Variants in GPATCH2L observed in about 807,000 individuals in gnomAD.
The protein encoded by GPATCH2L is G-patch domain containing 2 like.
A neutral mutation model predicts 57.4 loss-of-function variants in GPATCH2L; 31 were observed. That is an observed-to-expected ratio of 0.54 (90% CI 0.41 to 0.73). The LOEUF (loss-of-function observed/expected upper bound fraction) is 0.73. GPATCH2L is among the 30% of genes least tolerant of loss of function. The probability of loss-of-function intolerance (pLI) is 0.00; values close to 1 mark genes in which losing one functional copy is unlikely to be tolerated. For synonymous variants in GPATCH2L, 199 were observed against 210.7 expected (o/e 0.94, Z 0.48); for missense variants, 481 against 599.9 (o/e 0.80, Z 2.07).
chr14:76,227,137 G>C (rs1405733065), intron 1 of GPATCH2L, among the ~76,000 whole-genome samples: 1 of 152,162 alleles, frequency 6.6e-6, no homozygotes, highest in Admixed American at 6.5e-5. Context: ...GGATCCTTGA[G>C]GGCCCATGGC....
At chr14:76,159,679 C>T (rs1044119024) in intron 2 of GPATCH2L, among the ~76,000 whole-genome samples, 1 of 152,152 alleles carries the variant, frequency 6.6e-6, no homozygotes, top group South Asian at 2.1e-4. Flanking sequence ...GAATGCACTT[C>T]TCTGCCCATG....
intron 7 of GPATCH2L, chr14:76,178,250 A>T: frequency 6.7e-7 from 1 of 1,497,180 alleles, no homozygotes; most frequent in Non-Finnish European, 8.9e-7. Flanking sequence ...TCTGATTTGC[A>T]TATGGTTTAG....
chr14:76,193,341 C>T lies in GPATCH2L; in HGVS notation c.1194-2537C>T, dbSNP rs976885754. Among the ~76,000 whole-genome samples the T allele has an allele frequency of 5.9e-5, 9 of 151,678 alleles. No individual in the cohort carries two copies. The South Asian group carries it at 8.3e-4, about 14-fold the overall frequency. ...CCATGTTACTGACATATATCAAACA[C>T]GCAAAATGGTGAAAATGATGGATGG... On this transcript the variant is annotated intron_variant, in intron 8 of 9. Transcript: ENST00000261530.
At chr14:76,162,150 G>A (rs1324522232) in intron 2 of GPATCH2L, among the ~76,000 whole-genome samples, 1 of 152,134 alleles carries the variant, frequency 6.6e-6, no homozygotes, top group African/African-American at 2.4e-5. Context: ...CGAGGTTATA[G>A]TCTAACTGTT....
At chr14:76,167,036 A>T (rs2038875156) in intron 3 of GPATCH2L, among the ~76,000 whole-genome samples, 1 of 151,994 alleles carries the variant, frequency 6.6e-6, no homozygotes, top group Non-Finnish European at 1.5e-5. Context: ...GACATTGGGA[A>T]GTTTCTTTTT....
At chr14:76,191,110 A>G (rs567450555) in intron 8 of GPATCH2L, among the ~76,000 whole-genome samples, 3 of 152,120 alleles carry the variant, frequency 2.0e-5, no homozygotes, top group African/African-American at 7.2e-5. Flanking sequence ...TTGGTGAGAA[A>G]GGGAAGTTCA....
At chr14:76,232,451 C>T (rs1329096108) in intron 2 of GPATCH2L, among the ~76,000 whole-genome samples, 2 of 152,178 alleles carry the variant, frequency 1.3e-5, no homozygotes, top group Non-Finnish European at 2.9e-5. Context: ...AGTTGCCCGC[C>T]ACTGCCCCCG....
At chr14:76,170,004 T>C (rs960414341) in intron 3 of GPATCH2L, among the ~76,000 whole-genome samples, 5 of 152,186 alleles carry the variant, frequency 3.3e-5, no homozygotes, top group Non-Finnish European at 7.4e-5. Flanking sequence ...CAGCAGTCCA[T>C]GTTTTAACAA....
chr14:76,164,814 A>G (rs763685906), intron 2 of GPATCH2L, among the ~76,000 whole-genome samples: 10 of 152,324 alleles, frequency 6.6e-5, no homozygotes, highest in Admixed American at 6.5e-5. Context: ...AGTGGACAAG[A>G]GGGTTCCATA....
At chr14:76,169,532 C>T (rs2038993341) in intron 3 of GPATCH2L, among the ~76,000 whole-genome samples, 1 of 152,172 alleles carries the variant, frequency 6.6e-6, no homozygotes, top group African/African-American at 2.4e-5. Flanking sequence ...TGCTTATTCC[C>T]TGGCAGCGCT....
downstream of GPATCH2L, among the ~76,000 whole-genome samples, chr14:76,218,571 A>T (rs566474088): frequency 6.6e-6 from 1 of 152,118 alleles, no homozygotes; most frequent in African/African-American, 2.4e-5. Flanking sequence ...AATACGCAGC[A>T]TCATAAAGAT....
intron 2 of GPATCH2L, among the ~76,000 whole-genome samples, chr14:76,165,362 C>T (rs1330980820): frequency 3.3e-5 from 5 of 151,612 alleles, no homozygotes; most frequent in African/African-American, 7.3e-5. Flanking sequence ...TGTGGTGGTG[C>T]GCGCCTGTAA....
At chr14:76,167,275 T>G (rs1010610834) in intron 3 of GPATCH2L, among the ~76,000 whole-genome samples, 1 of 152,218 alleles carries the variant, frequency 6.6e-6, no homozygotes, top group Non-Finnish European at 1.5e-5. Flanking sequence ...TTTTACTACC[T>G]AAACACTAAT....
chr14:76,221,317 T>G (rs2040514186), intron 1 of GPATCH2L, among the ~76,000 whole-genome samples: 1 of 152,180 alleles, frequency 6.6e-6, no homozygotes, highest in Admixed American at 6.5e-5. Flanking sequence ...CCTATTACAA[T>G]GGTGATTTTC....
downstream of GPATCH2L, among the ~76,000 whole-genome samples, chr14:76,217,772 G>GA (rs1201896613): frequency 2.0e-5 from 3 of 152,110 alleles, no homozygotes; most frequent in African/African-American, 7.2e-5. Flanking sequence ...ACAGTTGACA[G>GA]AAAAAATGCA....
intron 9 of GPATCH2L, among the ~76,000 whole-genome samples, chr14:76,201,066 T>A (rs1462264889): frequency 6.6e-6 from 1 of 152,208 alleles, no homozygotes; most frequent in Non-Finnish European, 1.5e-5. Context: ...ATGTCTCCTG[T>A]CCAGAATGTC....
At chr14:76,223,603 AT>A (rs1242463061) in intron 1 of GPATCH2L, among the ~76,000 whole-genome samples, 2 of 152,212 alleles carry the variant, frequency 1.3e-5, no homozygotes, top group Non-Finnish European at 2.9e-5. Context: ...AAAATTTAAA[AT>A]TTTTTGCTTC....
chr14:76,197,772 G>C (rs922722637), intron 9 of GPATCH2L, among the ~76,000 whole-genome samples: 1 of 152,080 alleles, frequency 6.6e-6, no homozygotes, highest in Admixed American at 6.6e-5. Context: ...ATCTGTTATC[G>C]GACTCTTCAC....
chr14:76,178,960 G>T (rs993734062), intron 7 of GPATCH2L: 3 of 152,090 alleles, frequency 2.0e-5, no homozygotes, highest in Non-Finnish European at 4.4e-5. Context: ...GTGAAGCTTT[G>T]TGATTTTTTT....
Sources: gnomAD v4.1 joint callset for allele counts (sites outside exome capture counted in the v4.1 genomes callset) on GRCh38, gnomAD v4.1.1 for gene constraint, MANE v1.5 for transcripts, NCBI Gene and HGNC (gene_info 2026-07-23, HGNC 2026-07-21) for gene names.